NEGR1: variants seen among roughly 807,000 people sequenced by gnomAD.
NEGR1 encodes the protein IgLON family member 4.
Under a neutral mutation model 40.9 loss-of-function variants are expected in NEGR1, and 10 were observed. The observed-to-expected ratio is 0.24, with a 90% CI of 0.15 to 0.42. NEGR1 has a LOEUF of 0.42. NEGR1 is among the 10% of genes least tolerant of loss of function. The pLI is 1.00. For missense variants in NEGR1, 352 were observed against 438.9 expected (o/e 0.80, Z 1.77); for synonymous variants, 185 against 166.8 (o/e 1.11, Z -0.84).
rs186425197 is a variant in NEGR1, at chr1:71,440,822, C to G, written c.941-33252G>C. Among the ~76,000 whole-genome samples the G allele has an allele frequency of 1.2e-4, 18 of 152,272 alleles. No homozygotes were observed. In the East Asian group the frequency reaches 3.5e-3, roughly 29 times the overall value. ...TGTCATATTTATAGAAATGAAAGAA[C>G]AAAGTCTTGTGTGTCTGGGTTTAGA... On this transcript the variant is annotated intron_variant, in intron 6 of 6. Transcript: ENST00000357731.
At chr1:71,678,969 C>T (rs1652737207) in intron 4 of NEGR1, among the ~76,000 whole-genome samples, 1 of 152,130 alleles carries the variant, frequency 6.6e-6, no homozygotes, top group African/African-American at 2.4e-5. Flanking sequence ...AATGGAAAAC[C>T]ACTGAAGATG....
intron 1 of NEGR1, among the ~76,000 whole-genome samples, chr1:71,999,768 A>G (rs1204650731): frequency 3.4e-5 from 5 of 148,888 alleles, no homozygotes; most frequent in African/African-American, 7.4e-5. Context: ...CTTTGTTTAC[A>G]TACTATCAAT....
chr1:71,883,484 G>A (rs1316206457), intron 2 of NEGR1, among the ~76,000 whole-genome samples: 1 of 151,924 alleles, frequency 6.6e-6, no homozygotes, highest in Non-Finnish European at 1.5e-5. Context: ...ACAAAAATTC[G>A]ACCATTTGAG....
intron 1 of NEGR1, among the ~76,000 whole-genome samples, chr1:71,964,937 C>T (rs2100303529): frequency 6.6e-6 from 1 of 152,040 alleles, no homozygotes; most frequent in Non-Finnish European, 1.5e-5. Flanking sequence ...AGTTCTCTAC[C>T]TAAGAATTTC....
rs562173376 is a variant in NEGR1, at chr1:72,218,777, G to A, written c.176+63542C>T. 8.5e-5 allele frequency among the ~76,000 whole-genome samples: 13 copies of A among 152,060 alleles called. No homozygotes were observed. In the South Asian group the frequency reaches 2.7e-3, roughly 32 times the overall value. On this transcript the variant is annotated intron_variant, in intron 1 of 6. Coordinates refer to ENST00000357731, the MANE Select transcript of NEGR1 (RefSeq NM_173808.3). The stretch of plus-strand genomic sequence containing the variant: ...GAAGCTTAGTAGTGGGTAAGATAAG[G>A]GGAGGATGTGACAGTTAAAAGAATT...
chr1:71,790,376 G>C (rs1305752193), intron 2 of NEGR1, among the ~76,000 whole-genome samples: 2 of 152,056 alleles, frequency 1.3e-5, no homozygotes, highest in African/African-American at 4.8e-5. Flanking sequence ...AAACTATACC[G>C]GAGGTCAGGT....
At chr1:71,720,685 T>C (rs1654479084) in intron 3 of NEGR1, among the ~76,000 whole-genome samples, 2 of 152,142 alleles carry the variant, frequency 1.3e-5, no homozygotes, top group South Asian at 4.1e-4. Flanking sequence ...GATAAATTTG[T>C]CAGACCTAAG....
At chr1:71,843,625 A>G (rs1659314175) in intron 2 of NEGR1, among the ~76,000 whole-genome samples, 1 of 152,156 alleles carries the variant, frequency 6.6e-6, no homozygotes. Context: ...ACAGTTGATA[A>G]CAATTGGGGT....
chr1:71,613,516 G>A (rs1228515450), intron 4 of NEGR1, among the ~76,000 whole-genome samples: 1 of 151,938 alleles, frequency 6.6e-6, no homozygotes, highest in Non-Finnish European at 1.5e-5. Context: ...GCATAGTGGT[G>A]GGCACCTGTA....
At chr1:71,454,393 A>G (rs537540588) in intron 6 of NEGR1, among the ~76,000 whole-genome samples, 6 of 152,202 alleles carry the variant, frequency 3.9e-5, no homozygotes, top group African/African-American at 1.4e-4. Context: ...TTGGATGTCA[A>G]TAATATCTCC....
intron 2 of NEGR1, among the ~76,000 whole-genome samples, chr1:71,850,137 TTTTGTTTG>T (rs370506321): frequency 0.15 from 14,141 of 93,312 alleles, 745 homozygotes; most frequent in Non-Finnish European, 0.2. Flanking sequence ...TACTGTCTTT[TTTTGTTTG>T]TTTGTTTGTT....
intron 6 of NEGR1, among the ~76,000 whole-genome samples, chr1:71,454,060 T>C (rs1557531532): frequency 6.6e-6 from 1 of 152,348 alleles, no homozygotes; most frequent in African/African-American, 2.4e-5. Context: ...CTCACTTTCT[T>C]ATTTTTGAAC....
intron 2 of NEGR1, among the ~76,000 whole-genome samples, chr1:71,832,333 A>C (rs1434434480): frequency 1.3e-5 from 2 of 152,026 alleles, no homozygotes; most frequent in Non-Finnish European, 2.9e-5. Context: ...AAAGCTCTTC[A>C]TCAGAGATAC....
At chr1:71,705,201 T>C (rs1653847078) in intron 3 of NEGR1, among the ~76,000 whole-genome samples, 1 of 152,146 alleles carries the variant, frequency 6.6e-6, no homozygotes, top group African/African-American at 2.4e-5. Flanking sequence ...GAAGGCAAGG[T>C]TATCTACTCT....
At chr1:71,417,808 GT>G (rs930139051) in intron 6 of NEGR1, among the ~76,000 whole-genome samples, 9 of 152,102 alleles carry the variant, frequency 5.9e-5, no homozygotes, top group Non-Finnish European at 1.0e-4. Flanking sequence ...TAAAAAATGT[GT>G]TAGTGTTTAC....
At chr1:71,737,324 T>C (rs930276398) in intron 3 of NEGR1, among the ~76,000 whole-genome samples, 15 of 151,958 alleles carry the variant, frequency 9.9e-5, no homozygotes, top group Admixed American at 9.8e-4. Flanking sequence ...AAACACCCGT[T>C]GGACAGAGGT....
In NEGR1 at chr1:71,698,026, C is replaced by G; in HGVS notation, c.649G>C (p.Val217Leu). 1 of 1,611,288 alleles carries G rather than the reference C, an allele frequency of 6.2e-7. No individual in the cohort carries two copies. Among genetic ancestry groups the G allele is most frequent in the Admixed American group, 1.7e-5 (1 of 59,760 alleles). Residue 217 changes from valine to leucine, a missense_variant, in exon 4 of 7, where the codon GTA becomes CTA. Physicochemically the swap from Val to Leu is conservative, Grantham distance 32 (BLOSUM62 1). Coordinates refer to ENST00000357731, the MANE Select transcript of NEGR1 (RefSeq NM_173808.3). ...CACTTACAGTTGACAACAACTTTTA[C>G]TTTCCTCACATCTGGGAATGACACA... ...NDVSFPDVRK[V>L]KVVVNFAPTI...
intron 1 of NEGR1, among the ~76,000 whole-genome samples, chr1:72,095,670 G>T (rs963438991): frequency 6.6e-6 from 1 of 151,890 alleles, no homozygotes; most frequent in Non-Finnish European, 1.5e-5. Flanking sequence ...AACTTAAAAA[G>T]AAACTATTAG....
At chr1:71,934,394 C>G (rs1393487867) in intron 2 of NEGR1, among the ~76,000 whole-genome samples, 2 of 151,994 alleles carry the variant, frequency 1.3e-5, no homozygotes, top group Non-Finnish European at 2.9e-5. Context: ...AATTCATGAT[C>G]TACTGAAAGT....
Sources: allele counts gnomAD v4.1 joint callset (sites outside exome capture counted in the v4.1 genomes callset), GRCh38; gene constraint gnomAD v4.1.1; transcripts MANE v1.5; gene names NCBI Gene and HGNC (gene_info 2026-07-23, HGNC 2026-07-21).